Variants in CDC42EP3 observed in about 807,000 individuals in gnomAD.
The protein encoded by CDC42EP3 is CDC42 effector protein 3.
A neutral mutation model predicts 15.5 loss-of-function variants in CDC42EP3; 4 were observed. The ratio of observed to expected loss-of-function variants is 0.26; its 90% CI spans 0.13 to 0.59. The LOEUF (loss-of-function observed/expected upper bound fraction) is 0.59, where lower values mean the gene tolerates loss of function less well. Ranked by LOEUF, CDC42EP3 falls within the 20% of genes least tolerant of loss-of-function variation. The pLI, the probability that CDC42EP3 is intolerant of heterozygous loss-of-function variation, is 0.89. For missense variants in CDC42EP3, 309 were observed against 311.2 expected, an observed-to-expected ratio of 0.99 and a Z score of 0.05; for synonymous variants, 145 against 130.3, an observed-to-expected ratio of 1.11 and a Z score of -0.77.
Position 37,645,637 on chromosome 2 carries a change from G to T in CDC42EP3, c.*186C>A. On this transcript the variant is annotated 3_prime_UTR_variant, in exon 2 of 2. Coordinates refer to ENST00000295324, the MANE Select transcript of CDC42EP3 (RefSeq NM_006449.5). ...TCCTTTTTTTGCCAAGATAGGTTTT[G>T]CTTTGTTGTTTTTTTCTAAATTGTT... 2.1e-6 allele frequency: 1 copy of T among 487,758 alleles called. No individual in the cohort carries two copies. The highest frequency in any genetic ancestry group is 3.2e-5 in the East Asian group (1 of 31,052). 30.2% of individuals were successfully genotyped at this position (487,758 alleles called of 1,614,324 possible). A position where few individuals can be genotyped will look rare whatever the true frequency, so the allele number is the denominator to read the frequency against.
rs757227720 is a variant in CDC42EP3, at chr2:37,650,244, C to G, written c.-235-3422G>C. On this transcript the variant is annotated intron_variant, in intron 1 of 1. Transcript: ENST00000295324. ...TGATAATCCAATGCCCATAATTTCT[C>G]GAACTGACCACTTCCTTCTCTCTCC... Among the ~76,000 whole-genome samples, 13 of 152,314 alleles carry G rather than the reference C, an allele frequency of 8.5e-5. 1 individual carries two copies. The highest frequency in any genetic ancestry group is 3.4e-3 in the Middle Eastern group (1 of 294).
intron 1 of CDC42EP3, among the ~76,000 whole-genome samples, chr2:37,668,535 CT>C (rs1272416823): frequency 1.3e-5 from 2 of 152,190 alleles, no homozygotes; most frequent in Non-Finnish European, 2.9e-5. Flanking sequence ...GGCAGCCTGA[CT>C]CGGAGGCTTC....
intron 1 of CDC42EP3, among the ~76,000 whole-genome samples, chr2:37,669,953 T>A (rs959934147): frequency 6.6e-6 from 1 of 152,208 alleles, no homozygotes; most frequent in African/African-American, 2.4e-5. Flanking sequence ...AGGGTATGCA[T>A]CACACACATA....
intron 1 of CDC42EP3, among the ~76,000 whole-genome samples, chr2:37,657,290 T>G (rs1434316552): frequency 2.0e-5 from 3 of 152,152 alleles, no homozygotes. Flanking sequence ...CTGGAGGAAG[T>G]CTACTCGAAT....
At chr2:37,661,066 G>C (rs1233418542) in intron 1 of CDC42EP3, among the ~76,000 whole-genome samples, 1 of 151,954 alleles carries the variant, frequency 6.6e-6, no homozygotes, top group Non-Finnish European at 1.5e-5. Context: ...GGAGTAGTAT[G>C]TATGTATGCA....
chr2:37,651,311 G>A (rs1665669850), intron 1 of CDC42EP3, among the ~76,000 whole-genome samples: 1 of 152,182 alleles, frequency 6.6e-6, no homozygotes, highest in South Asian at 2.1e-4. Context: ...TTCAAATCAT[G>A]TTAATGAACT....
At position 37,646,284 on chromosome 2, in the gene CDC42EP3, C is replaced by A. The variant is rs746412819; in HGVS notation, c.304G>T (p.Val102Leu). 6 of 1,614,016 alleles carry A rather than the reference C, an allele frequency of 3.7e-6. No homozygotes were observed. In the East Asian group the frequency reaches 8.9e-5, roughly 24 times the overall value. Reference sequence around the variant, plus strand: ...GGGAGGGAGATGGCATTTTTGAGCACCGGGGAGGGCGTTTCTGTGAACACA... The same window carrying A: ...GGGAGGGAGATGGCATTTTTGAGCAACGGGGAGGGCGTTTCTGTGAACACA... Reference protein sequence around the residue: ...DSVFTETPSPVLKNAISLPTI... With the variant: ...DSVFTETPSPLLKNAISLPTI... Residue 102 changes from valine (V) to leucine (L), a missense_variant, in exon 2 of 2, where the codon GTG becomes TTG. Physicochemically the swap from Val to Leu is conservative, Grantham distance 32. Transcript: ENST00000295324.
At chr2:37,655,061 A>C (rs1282576474) in intron 1 of CDC42EP3, among the ~76,000 whole-genome samples, 1 of 152,222 alleles carries the variant, frequency 6.6e-6, no homozygotes, top group East Asian at 1.9e-4. Context: ...TGAGAAGATA[A>C]GAAGATGCCT....
upstream of CDC42EP3, among the ~76,000 whole-genome samples, chr2:37,672,871 G>A (rs1666478869): frequency 6.6e-6 from 1 of 152,194 alleles, no homozygotes; most frequent in Admixed American, 6.5e-5. Context: ...CATCACCGCG[G>A]TGCCCTGGGT....
chr2:37,657,001 C>CTCCCG lies in CDC42EP3; in HGVS notation c.-235-10180_-235-10179insCGGGA, dbSNP rs1553317251. Among the ~76,000 whole-genome samples the CTCCCG allele has an allele frequency of 7.7e-5, 8 of 103,278 alleles. No individual in the cohort carries two copies. In the East Asian group the frequency reaches 4.2e-3, roughly 55 times the overall value. The allele number at this position is 103,278 out of a possible 152,430, so 67.8% of individuals were successfully genotyped here. A position where few individuals can be genotyped will look rare whatever the true frequency, so the allele number is the denominator to read the frequency against. ...AAAGCCCCCCCCCCACCCCCCGCCC[C>CTCCCG]CCGCCATCCTCGAGGAGAAAAACAA... On this transcript the variant is annotated intron_variant, in intron 1 of 1. Coordinates refer to ENST00000295324, the MANE Select transcript of CDC42EP3 (RefSeq NM_006449.5).
intron 1 of CDC42EP3, among the ~76,000 whole-genome samples, chr2:37,661,110 AGT>A (rs34074254): frequency 0.37 from 52,380 of 141,236 alleles, 9,260 homozygotes; most frequent in Non-Finnish European, 0.42. Flanking sequence ...GTGTGTGTAC[AGT>A]GTGTGTGTGT....
chr2:37,665,259 G>A (rs1033513520), intron 1 of CDC42EP3, among the ~76,000 whole-genome samples: 2 of 152,082 alleles, frequency 1.3e-5, no homozygotes, highest in African/African-American at 4.8e-5. Flanking sequence ...GAGGGCCTGG[G>A]GAACATCCAC....
intron 1 of CDC42EP3, among the ~76,000 whole-genome samples, chr2:37,654,668 T>C (rs529302935): frequency 2.0e-4 from 31 of 152,330 alleles, no homozygotes; most frequent in Non-Finnish European, 3.8e-4. Context: ...GAGTTTCCTG[T>C]ATGGGAACAC....
At chr2:37,651,156 G>C (rs1026140889) in intron 1 of CDC42EP3, among the ~76,000 whole-genome samples, 1 of 152,158 alleles carries the variant, frequency 6.6e-6, no homozygotes, top group African/African-American at 2.4e-5. Context: ...GTGCAAATGC[G>C]TGTATTTATA....
chr2:37,645,657 A>T lies in CDC42EP3; in HGVS notation c.*166T>A. ...GTTTTGCTTTGTTGTTTTTTTCTAAATTGTTTTTGCAAACAGGGCATAACA... is the reference window on the plus strand; with the variant it reads ...GTTTTGCTTTGTTGTTTTTTTCTAATTTGTTTTTGCAAACAGGGCATAACA... On this transcript the variant is annotated 3_prime_UTR_variant, in exon 2 of 2. Coordinates refer to ENST00000295324, the MANE Select transcript of CDC42EP3 (RefSeq NM_006449.5). 1.8e-6 allele frequency: 1 copy of T among 540,666 alleles called. No individual in the cohort carries two copies. 33.5% of individuals were successfully genotyped at this position (540,666 alleles called of 1,614,324 possible). A position where few individuals can be genotyped will look rare whatever the true frequency, so the allele number is the denominator to read the frequency against.
chr2:37,671,679 G>C (rs912231137), upstream of CDC42EP3: 3 of 151,632 alleles, frequency 2.0e-5, no homozygotes, highest in African/African-American at 4.9e-5. Context: ...CTGAACCTGC[G>C]GAGGGCGGGG....
intron 1 of CDC42EP3, among the ~76,000 whole-genome samples, chr2:37,651,992 G>A (rs939719710): frequency 6.6e-6 from 1 of 151,766 alleles, no homozygotes; most frequent in Non-Finnish European, 1.5e-5. Flanking sequence ...TGGCTAACAC[G>A]GTGAAACCCC....
chr2:37,661,395 A>G (rs12475180), intron 1 of CDC42EP3, among the ~76,000 whole-genome samples: 55,702 of 151,932 alleles, frequency 0.37, 10,436 homozygotes, highest in Non-Finnish European at 0.4. Flanking sequence ...GATCTTATTA[A>G]TAGGGCAAGT....
intron 1 of CDC42EP3, among the ~76,000 whole-genome samples, chr2:37,664,458 T>C (rs147707612): frequency 6.3e-4 from 96 of 152,290 alleles, no homozygotes; most frequent in African/African-American, 2.2e-3. Context: ...TATTATGGGA[T>C]TTCACCTTAT....
Sources: gnomAD v4.1 joint callset for allele counts (sites outside exome capture counted in the v4.1 genomes callset) on GRCh38, gnomAD v4.1.1 for gene constraint, MANE v1.5 for transcripts, NCBI Gene and HGNC (gene_info 2026-07-23, HGNC 2026-07-21) for gene names.